Variants in WDR70 observed in about 807,000 individuals in gnomAD.
WDR70 encodes the protein WD repeat-containing protein 70.
A neutral mutation model predicts 88.6 loss-of-function variants in WDR70; 53 were observed. That is an observed-to-expected ratio of 0.60 (90% CI 0.48 to 0.75). WDR70 has a LOEUF of 0.75. Among genes scored for constraint, WDR70 ranks in the 30% least tolerant of loss-of-function variants. The pLI is 0.00. For missense variants in WDR70, 610 were observed against 823.2 expected (o/e 0.74, Z 3.17); for synonymous variants, 280 against 270.0 (o/e 1.04, Z -0.36).
chr5:37,630,538 C>T (rs1744783005), intron 10 of WDR70, among the ~76,000 whole-genome samples: 1 of 152,092 alleles, frequency 6.6e-6, no homozygotes, highest in African/African-American at 2.4e-5. Context: ...TCCCACCTGG[C>T]AGAGGGCATG....
At chr5:37,652,980 A>G (rs1184948730) in intron 10 of WDR70, among the ~76,000 whole-genome samples, 2 of 152,098 alleles carry the variant, frequency 1.3e-5, no homozygotes, top group Non-Finnish European at 2.9e-5. Flanking sequence ...TAATATGTTG[A>G]ATAGGAGTGG....
chr5:37,645,291 A>G (rs1745203072), intron 10 of WDR70, among the ~76,000 whole-genome samples: 5 of 151,538 alleles, frequency 3.3e-5, no homozygotes, highest in Admixed American at 3.3e-4. Flanking sequence ...ATGCATTTGT[A>G]TCATTTCCAA....
intron 10 of WDR70, among the ~76,000 whole-genome samples, chr5:37,662,489 G>T (rs998198579): frequency 1.7e-4 from 26 of 152,130 alleles, no homozygotes; most frequent in Admixed American, 1.4e-3. Context: ...GCATCCCTGT[G>T]CTTGTATTTA....
rs566715246 is a variant in WDR70 at position 37,576,585 on chromosome 5, T to A, written c.918-28479T>A. On this transcript the variant is annotated intron_variant, in intron 9 of 17. Transcript: ENST00000265107. ...GACATTAGAACAACTAGGCTCTTTT[T>A]AATTTTTAATTAATTGATAGCGCTT... 1.6e-4 allele frequency among the ~76,000 whole-genome samples: 24 copies of A among 152,300 alleles called. No homozygotes were observed. In the South Asian group the frequency reaches 4.8e-3, roughly 30 times the overall value.
chr5:37,514,279 A>G (rs955642975), intron 8 of WDR70, among the ~76,000 whole-genome samples: 5 of 142,020 alleles, frequency 3.5e-5, no homozygotes, highest in African/African-American at 1.3e-4. Context: ...TCAGCCTCCC[A>G]GAAGTGCTGG....
At chr5:37,485,704 A>T (rs1739841741) in intron 8 of WDR70, among the ~76,000 whole-genome samples, 1 of 151,722 alleles carries the variant, frequency 6.6e-6, no homozygotes, top group Non-Finnish European at 1.5e-5. Flanking sequence ...TATTATTATT[A>T]TTTTTGAGAT....
At chr5:37,685,038 C>T (rs1234243023) in intron 10 of WDR70, among the ~76,000 whole-genome samples, 2 of 152,088 alleles carry the variant, frequency 1.3e-5, no homozygotes, top group Non-Finnish European at 1.5e-5. Context: ...GTTCATGCAG[C>T]CAGGGGTTGG....
In WDR70 at chr5:37,380,247, G is replaced by C. The variant is rs6862934; in HGVS notation, c.91+693G>C. Among the ~76,000 whole-genome samples, 13 of 152,114 alleles carry C rather than the reference G, an allele frequency of 8.5e-5. No homozygotes were observed. The South Asian group carries it at 2.7e-3, about 32-fold the overall frequency. On this transcript the variant is annotated intron_variant, in intron 2 of 17. Transcript: ENST00000265107. ...GTCTTCTTGTTTTCTTTTGACCAGC[G>C]TGTATTAATTCTATGATAGTAATTA...
chr5:37,509,829 G>T (rs1161431122), intron 8 of WDR70, among the ~76,000 whole-genome samples: 2 of 149,382 alleles, frequency 1.3e-5, no homozygotes, highest in East Asian at 3.9e-4. Context: ...CCTTCACTGG[G>T]CAACCAGAAT....
At chr5:37,586,142 A>G (rs1008598329) in intron 9 of WDR70, among the ~76,000 whole-genome samples, 1 of 152,166 alleles carries the variant, frequency 6.6e-6, no homozygotes, top group Non-Finnish European at 1.5e-5. Context: ...GGCATCCTCA[A>G]TTCCATTCCT....
At chr5:37,506,127 T>C in intron 8 of WDR70, 1 of 1,124,010 alleles carries the variant, frequency 8.9e-7, no homozygotes, top group Non-Finnish European at 1.4e-6. Flanking sequence ...GCGGCTTAAA[T>C]TGGCCATTTT....
intron 8 of WDR70, among the ~76,000 whole-genome samples, chr5:37,510,289 C>A (rs1220160125): frequency 2.0e-5 from 3 of 151,976 alleles, no homozygotes; most frequent in Non-Finnish European, 4.4e-5. Context: ...ACAAACTAAC[C>A]CACCTTCCTA....
intron 8 of WDR70, among the ~76,000 whole-genome samples, chr5:37,481,216 A>G (rs1292318479): frequency 2.6e-5 from 4 of 152,106 alleles, no homozygotes; most frequent in African/African-American, 9.7e-5. Context: ...GGTCTGGAGG[A>G]TGGTGGCCGT....
intron 6 of WDR70, among the ~76,000 whole-genome samples, chr5:37,439,625 C>CTTT (rs34032020): frequency 1.1e-4 from 14 of 128,986 alleles, no homozygotes; most frequent in East Asian, 8.6e-4. Context: ...TGGCTTAACT[C>CTTT]TTTTTTTTTT....
chr5:37,611,654 G>A (rs1004880023), intron 10 of WDR70, among the ~76,000 whole-genome samples: 5 of 151,742 alleles, frequency 3.3e-5, no homozygotes, highest in Non-Finnish European at 7.4e-5. Context: ...AAAGTCATAT[G>A]ACTTTGATTT....
At chr5:37,666,808 T>A (rs1248150566) in intron 10 of WDR70, among the ~76,000 whole-genome samples, 2 of 152,184 alleles carry the variant, frequency 1.3e-5, no homozygotes, top group Non-Finnish European at 2.9e-5. Flanking sequence ...GTTCAAATCC[T>A]GGCTCTGCCC....
At chr5:37,682,285 TG>T (rs1409686197) in intron 10 of WDR70, among the ~76,000 whole-genome samples, 1 of 152,100 alleles carries the variant, frequency 6.6e-6, no homozygotes, top group Non-Finnish European at 1.5e-5. Flanking sequence ...ACCCCTTTGT[TG>T]TTTCTAATTG....
At chr5:37,512,149 T>G (rs1740739558) in intron 8 of WDR70, among the ~76,000 whole-genome samples, 1 of 152,214 alleles carries the variant, frequency 6.6e-6, no homozygotes. Flanking sequence ...TGTGGCTATA[T>G]AACTCCATTC....
intron 9 of WDR70, among the ~76,000 whole-genome samples, chr5:37,528,908 G>GTTTTTT (rs1228946391): frequency 1.5e-5 from 2 of 137,568 alleles, no homozygotes; most frequent in South Asian, 2.3e-4. Context: ...TCTAGAGGGG[G>GTTTTTT]TTTTTTTTTT....
Sources: allele counts gnomAD v4.1 joint callset (sites outside exome capture counted in the v4.1 genomes callset), GRCh38; gene constraint gnomAD v4.1.1; transcripts MANE v1.5; gene names NCBI Gene and HGNC (gene_info 2026-07-23, HGNC 2026-07-21).